The following ACADM variants were observed in gnomAD, a reference collection of about 807,000 sequenced individuals.
ACADM encodes the protein acyl-CoA dehydrogenase medium chain, also known as medium-chain specific acyl-CoA dehydrogenase, mitochondrial.
In ACADM, 49 loss-of-function variants were observed where a neutral mutation model predicts 58.9. That is an observed-to-expected ratio of 0.83 (90% CI 0.66 to 1.06). The LOEUF is 1.06. Among genes scored for constraint, ACADM ranks in the 50% least tolerant of loss-of-function variants. The pLI is 0.00. For missense variants in ACADM, 496 were observed against 507.0 expected (o/e 0.98, Z 0.21); for synonymous variants, 160 against 157.7 (o/e 1.01, Z -0.11).
At position 75,745,800 on chromosome 1, in the gene ACADM, T is replaced by C. The variant is rs771343450; in HGVS notation, c.600-6T>C. ...ATCACCATTATCCGGTATGTGTATC[T>C]CTTAGGTATTTTTTATTGGCACGTT... is the stretch of plus-strand genomic sequence containing the variant. On this transcript the variant is annotated splice_region_variant and splice_polypyrimidine_tract_variant and intron_variant, in intron 7 of 11. Coordinates refer to ENST00000370841, the MANE Select transcript of ACADM (RefSeq NM_000016.6). 3.3e-5 allele frequency: 52 copies of C among 1,597,994 alleles called. 1 individual carries two copies. Among genetic ancestry groups the C allele is most frequent in the Non-Finnish European group, 3.5e-5 (41 of 1,165,574 alleles).
chr1:75,739,151 CCT>C (rs1183913471), intron 6 of ACADM, among the ~76,000 whole-genome samples: 2 of 152,260 alleles, frequency 1.3e-5, no homozygotes, highest in Admixed American at 6.5e-5. Flanking sequence ...GCATATTCTT[CCT>C]CTTTTTCCCT....
chr1:75,731,980 T>A (rs1647156204), intron 2 of ACADM, among the ~76,000 whole-genome samples: 1 of 152,142 alleles, frequency 6.6e-6, no homozygotes, highest in Admixed American at 6.5e-5. Flanking sequence ...GGCAAAACCC[T>A]GTATCTACAA....
At position 75,732,923 on chromosome 1, in the gene ACADM, G is replaced by T; in HGVS notation, c.286+1G>T. ...AACACACACATTCCAGAGAACTGTGGTAAGCTTTCTTTATATTTTTAATAC... is the reference window on the plus strand; with the variant it reads ...AACACACACATTCCAGAGAACTGTGTTAAGCTTTCTTTATATTTTTAATAC... On this transcript the variant is annotated splice_donor_variant, in intron 4 of 11. Transcript: ENST00000370841. LOFTEE classifies it high-confidence loss of function. 1.2e-6 allele frequency: 2 copies of T among 1,613,796 alleles called. No individual in the cohort carries two copies. Among genetic ancestry groups the T allele is most frequent in the Non-Finnish European group, 1.7e-6 (2 of 1,179,802 alleles).
intron 2 of ACADM, among the ~76,000 whole-genome samples, chr1:75,730,994 AAGAG>A (rs1335929652): frequency 2.6e-5 from 4 of 152,126 alleles, no homozygotes; most frequent in Non-Finnish European, 4.4e-5. Context: ...TATCAATAAA[AAGAG>A]AGATTTGGCT....
chr1:75,742,114 A>T (rs1389716903), intron 7 of ACADM, among the ~76,000 whole-genome samples: 6 of 152,272 alleles, frequency 3.9e-5, no homozygotes, highest in African/African-American at 1.2e-4. Flanking sequence ...AGAGTAGTAG[A>T]TGCTGCAGGC....
intron 7 of ACADM, chr1:75,743,862 T>C (rs1647729207): frequency 2.8e-6 from 4 of 1,415,804 alleles, no homozygotes; most frequent in Non-Finnish European, 4.0e-6. Flanking sequence ...CCTCTTTGGT[T>C]ATATCATCAA....
At chr1:75,731,498 AAC>A (rs1394193500) in intron 2 of ACADM, among the ~76,000 whole-genome samples, 1 of 152,080 alleles carries the variant, frequency 6.6e-6, no homozygotes, top group East Asian at 1.9e-4. Flanking sequence ...ACCACATTAA[AAC>A]ACAAGGATAC....
At chr1:75,737,362 T>C (rs1479308105) in intron 6 of ACADM, among the ~76,000 whole-genome samples, 4 of 130,092 alleles carry the variant, frequency 3.1e-5, no homozygotes, top group African/African-American at 8.8e-5. Context: ...CAAAAACAAC[T>C]CTGAGGAACC....
chr1:75,741,413 A>G (rs1335557202), intron 7 of ACADM, among the ~76,000 whole-genome samples: 1 of 152,218 alleles, frequency 6.6e-6, no homozygotes, highest in African/African-American at 2.4e-5. Flanking sequence ...AGAAACTATT[A>G]AAATTTAACA....
intron 7 of ACADM, chr1:75,744,013 TCAA>T: frequency 6.4e-7 from 1 of 1,574,380 alleles, no homozygotes; most frequent in African/African-American, 1.3e-5. Context: ...GTTACTCACA[TCAA>T]TCTCATTAAA....
chr1:75,734,967 A>G, intron 6 of ACADM, 96 bp downstream of exon 6: 1 of 941,416 alleles, frequency 1.1e-6, no homozygotes, highest in Non-Finnish European at 1.7e-6. Flanking sequence ...TGGGATATTT[A>G]GCATTGAAAC....
chr1:75,747,534 C>G (rs1261201219), intron 8 of ACADM, among the ~76,000 whole-genome samples: 4 of 152,116 alleles, frequency 2.6e-5, no homozygotes, highest in Admixed American at 6.6e-5. Context: ...GACTGTAATC[C>G]TAGCACTTTG....
At chr1:75,736,616 C>G (rs999737149) in intron 6 of ACADM, among the ~76,000 whole-genome samples, 1 of 152,110 alleles carries the variant, frequency 6.6e-6, no homozygotes, top group Admixed American at 6.5e-5. Context: ...TTTTGGTTGC[C>G]AAGTCTGTTA....
intron 1 of ACADM, among the ~76,000 whole-genome samples, chr1:75,725,875 T>A (rs1647046716): frequency 6.6e-6 from 1 of 152,216 alleles, no homozygotes. Flanking sequence ...TTTGTAAACC[T>A]GTCTACGGCC....
At chr1:75,756,172 T>A (rs1613437) in intron 10 of ACADM, among the ~76,000 whole-genome samples, 56,470 of 151,610 alleles carry the variant, frequency 0.37, 11,472 homozygotes, top group African/African-American at 0.54. Flanking sequence ...GGATACCTTC[T>A]CTCACCACTC....
At chr1:75,747,552 G>C (rs1000309787) in intron 8 of ACADM, among the ~76,000 whole-genome samples, 2 of 152,212 alleles carry the variant, frequency 1.3e-5, no homozygotes, top group Admixed American at 6.5e-5. Context: ...TTGGGAGGTT[G>C]AGGTGGGAGA....
chr1:75,744,787 G>C (rs1435234997), intron 7 of ACADM: 1 of 607,000 alleles, frequency 1.6e-6, no homozygotes, highest in African/African-American at 1.8e-5. Flanking sequence ...CGGCGGCCGG[G>C]TCTCCGTTTT....
In ACADM at chr1:75,749,708, CTTTCTTTT is replaced by C; in HGVS notation, c.849+153_849+160del. 4 of 466,658 alleles carry C rather than the reference CTTTCTTTT, an allele frequency of 8.6e-6. No individual in the cohort carries two copies. The African/African-American group carries it at 1.0e-4, about 12-fold the overall frequency. The allele number at this position is 466,658 out of a possible 1,614,324, so 28.9% of individuals were successfully genotyped here. On this transcript the variant is annotated intron_variant, in intron 9 of 11. Coordinates refer to ENST00000370841, the MANE Select transcript of ACADM (RefSeq NM_000016.6). Reference sequence around the variant, plus strand: ...ATATAGGAAAAATACTGTTACTTTTCTTTCTTTTTTTTTTTTTTTTTTTGAGACAGAGT... The same window carrying C: ...ATATAGGAAAAATACTGTTACTTTTCTTTTTTTTTTTTTTTGAGACAGAGT...
At chr1:75,728,348 T>A (rs977593648) in intron 1 of ACADM, 53 bp from the exon 2 acceptor site, 1 of 1,447,324 alleles carries the variant, frequency 6.9e-7, no homozygotes, top group Non-Finnish European at 9.6e-7. Flanking sequence ...TAGTCTCTTA[T>A]CTGATTAATG....
Sources: gnomAD v4.1 joint callset for allele counts (sites outside exome capture counted in the v4.1 genomes callset) on GRCh38, gnomAD v4.1.1 for gene constraint, MANE v1.5 for transcripts, NCBI Gene and HGNC (gene_info 2026-07-23, HGNC 2026-07-21) for gene names.